Variants in ATXN3 observed in about 807,000 individuals in gnomAD.
ATXN3 encodes the protein ataxin 3.
A neutral mutation model predicts 58.2 loss-of-function variants in ATXN3; 28 were observed. The ratio of observed to expected loss-of-function variants is 0.48; its 90% CI spans 0.36 to 0.66. The LOEUF (loss-of-function observed/expected upper bound fraction) is 0.66. ATXN3 is among the 30% of genes least tolerant of loss of function. The pLI is 0.00. For missense variants in ATXN3, 321 were observed against 422.1 expected (o/e 0.76, Z 2.10); for synonymous variants, 113 against 138.5 (o/e 0.82, Z 1.29).
chr14:92,083,336 A>C, intron 6 of ATXN3, 78 bp from the exon 7 acceptor site: 3 of 1,359,188 alleles, frequency 2.2e-6, no homozygotes, highest in South Asian at 1.3e-5. Flanking sequence ...AGTAGATAAA[A>C]AGGCAGCACA....
intron 10 of ATXN3, among the ~76,000 whole-genome samples, chr14:92,067,207 T>C (rs1199656107): frequency 6.6e-6 from 1 of 152,188 alleles, no homozygotes; most frequent in African/African-American, 2.4e-5. Context: ...GAGATCTTCA[T>C]TTTTTGTCTG....
intron 6 of ATXN3, among the ~76,000 whole-genome samples, chr14:92,087,485 C>G (rs1010057390): frequency 4.6e-5 from 7 of 152,066 alleles, no homozygotes; most frequent in Admixed American, 3.9e-4. Context: ...ATGGATAGAT[C>G]ATTTAAGAAA....
chr14:92,097,011 C>T (rs2065467355), intron 1 of ATXN3, 173 bp from the exon 2 acceptor site: 2 of 550,940 alleles, frequency 3.6e-6, no homozygotes, highest in Admixed American at 3.0e-5. Flanking sequence ...GGGTTCATGC[C>T]ATTCTCCTGC....
At chr14:92,085,144 G>A (rs2062157269) in intron 6 of ATXN3, among the ~76,000 whole-genome samples, 1 of 151,872 alleles carries the variant, frequency 6.6e-6, no homozygotes, top group South Asian at 2.1e-4. Context: ...CCTGTTCAGG[G>A]GCCATGGTAA....
At chr14:92,045,151 C>G (rs2057420365) in intron 2 of ATXN3, among the ~76,000 whole-genome samples, 1 of 152,100 alleles carries the variant, frequency 6.6e-6, no homozygotes, top group Admixed American at 6.6e-5. Flanking sequence ...CTGTGAAGGG[C>G]AAGAGGTAAA....
intron 6 of ATXN3, among the ~76,000 whole-genome samples, chr14:92,085,111 T>C (rs1017708644): frequency 2.0e-5 from 3 of 152,018 alleles, no homozygotes; most frequent in African/African-American, 4.8e-5. Context: ...CTATGAAGAG[T>C]GTCTGAAGAA....
At chr14:92,099,416 G>A (rs771549961) in intron 1 of ATXN3, among the ~76,000 whole-genome samples, 30 of 152,302 alleles carry the variant, frequency 2.0e-4, no homozygotes, top group Non-Finnish European at 3.8e-4. Context: ...AAGTAGCTTG[G>A]AGCTAGAGAG....
Position 92,093,783 on chromosome 14 carries a change from T to G in ATXN3, c.283A>C (p.Asn95His). The part of the protein sequence containing the change: ...KVWGLELILF[N>H]SPEYQRLRID... Reference sequence around the variant, plus strand: ...CTGAGCCTCTGATACTCTGGACTGTTGAACAGGATTAGTTCTAAACCCCAA... The same window carrying G: ...CTGAGCCTCTGATACTCTGGACTGTGGAACAGGATTAGTTCTAAACCCCAA... The change falls in exon 4 of 11, where the codon AAC (asparagine) becomes CAC (histidine). Residue 95 changes from asparagine to histidine, a missense_variant. This residue lies in a region of ATXN3 where 121 missense variants were observed against 198.9 expected (regional missense o/e 0.61). Transcript: ENST00000644486. 1 of 1,613,022 alleles carries G rather than the reference T, an allele frequency of 6.2e-7. No homozygotes were observed. Among genetic ancestry groups the G allele is most frequent in the Non-Finnish European group, 8.5e-7 (1 of 1,178,982 alleles).
intron 1 of ATXN3, among the ~76,000 whole-genome samples, chr14:92,049,162 G>C (rs956666847): frequency 6.6e-6 from 1 of 152,158 alleles, no homozygotes; most frequent in Non-Finnish European, 1.5e-5. Context: ...GAGGTTTTAA[G>C]TTCTTGAGAA....
chr14:92,067,872 G>GTGATGTCA (rs964085042), intron 10 of ATXN3, among the ~76,000 whole-genome samples: 2 of 152,210 alleles, frequency 1.3e-5, no homozygotes, highest in African/African-American at 4.8e-5. Context: ...TTCAAGGCCT[G>GTGATGTCA]TGATGTCAAG....
At chr14:92,086,438 G>A (rs1468907536) in intron 6 of ATXN3, among the ~76,000 whole-genome samples, 1 of 151,660 alleles carries the variant, frequency 6.6e-6, no homozygotes, top group Non-Finnish European at 1.5e-5. Context: ...GGTGGCACAT[G>A]CCTGTAAATC....
At chr14:92,049,292 C>T (rs533416425) in intron 1 of ATXN3, among the ~76,000 whole-genome samples, 6 of 152,206 alleles carry the variant, frequency 3.9e-5, no homozygotes, top group Admixed American at 1.3e-4. Flanking sequence ...CCAAAGCAGG[C>T]GTCCCCGCAA....
intron 10 of ATXN3, among the ~76,000 whole-genome samples, 199 bp from the exon 11 acceptor site, chr14:92,064,613 C>T (rs549509990): frequency 6.6e-6 from 1 of 152,146 alleles, no homozygotes; most frequent in South Asian, 2.1e-4. Context: ...ATTCCATTGC[C>T]CCAGAAAATT....
intron 1 of ATXN3, among the ~76,000 whole-genome samples, chr14:92,103,126 A>C (rs76940049): frequency 6.8e-6 from 1 of 146,486 alleles, no homozygotes; most frequent in Admixed American, 7.1e-5. Context: ...AAAAAAAAAA[A>C]ACAAAGCAGG....
downstream of ATXN3, among the ~76,000 whole-genome samples, chr14:92,053,747 C>A (rs1035608706): frequency 6.6e-6 from 1 of 152,096 alleles, no homozygotes; most frequent in Admixed American, 6.5e-5. Context: ...GATCCTCCCG[C>A]CTTGGCCTCC....
In ATXN3 at chr14:92,084,799, C is replaced by T. The variant is rs555974894; in HGVS notation, c.476-1541G>A. Among the ~76,000 whole-genome samples, 8 of 152,122 alleles carry T rather than the reference C, an allele frequency of 5.3e-5. No individual in the cohort carries two copies. In the South Asian group the frequency reaches 1.0e-3, roughly 20 times the overall value. Reference sequence around the variant, plus strand: ...TTCACCATGTTGGCTGGGCTGGTCTCGAACTCCTGACCTCAGGTGATCTGC... The same window carrying T: ...TTCACCATGTTGGCTGGGCTGGTCTTGAACTCCTGACCTCAGGTGATCTGC... On this transcript the variant is annotated intron_variant, in intron 6 of 10. Transcript: ENST00000644486.
rs761201018 is a variant in ATXN3, at chr14:92,106,570, C to T, written c.-18G>A. 4.3e-6 allele frequency: 7 copies of T among 1,612,612 alleles called. No individual in the cohort carries two copies. In the Admixed American group the frequency reaches 6.7e-5, roughly 15 times the overall value. ...GACTCCATGTTTATTTGTCTGGAGCCAACGGCCCCCACGCCGAACCACCCC... is the reference window on the plus strand; with the variant it reads ...GACTCCATGTTTATTTGTCTGGAGCTAACGGCCCCCACGCCGAACCACCCC... On this transcript the variant is annotated 5_prime_UTR_variant, in exon 1 of 11. Coordinates refer to ENST00000644486, the MANE Select transcript of ATXN3 (RefSeq NM_004993.6).
At chr14:92,052,420 G>A (rs1300057596), upstream of ATXN3, among the ~76,000 whole-genome samples, 4 of 152,008 alleles carry the variant, frequency 2.6e-5, no homozygotes, top group African/African-American at 9.7e-5. Context: ...CCCAGGAGGC[G>A]GAGGTTGCGG....
In ATXN3 at chr14:92,060,256, A is replaced by G. The variant is rs1308484402; in HGVS notation, c.*4064T>C. ...TACATATATATATACACACATATAT[A>G]TATATATATATATATTTTTTTTTTT... On this transcript the variant is annotated 3_prime_UTR_variant, in exon 11 of 11. Coordinates refer to ENST00000644486, the MANE Select transcript of ATXN3 (RefSeq NM_004993.6). The G allele has an allele frequency of 1.8e-5, 2 of 111,938 alleles. No individual in the cohort carries two copies. Among genetic ancestry groups the G allele is most frequent in the Non-Finnish European group, 3.8e-5 (2 of 52,996 alleles). 6.9% of individuals were successfully genotyped at this position (111,938 alleles called of 1,614,324 possible).
Sources: gnomAD v4.1 joint callset for allele counts (sites outside exome capture counted in the v4.1 genomes callset) on GRCh38, gnomAD v4.1.1 for gene constraint, gnomAD v4.1.1 regional missense constraint, MANE v1.5 for transcripts, NCBI Gene and HGNC (gene_info 2026-07-23, HGNC 2026-07-21) for gene names.